THSD7B: variants seen among roughly 807,000 people sequenced by gnomAD.
THSD7B encodes thrombospondin type-1 domain-containing protein 7B.
THSD7B carries 138 observed loss-of-function variants against 213.6 expected under a neutral mutation model. That is an observed-to-expected ratio of 0.65 (90% confidence interval 0.56 to 0.74). The LOEUF is 0.74. Ranked by LOEUF, THSD7B falls within the 30% of genes least tolerant of loss-of-function variation. The probability of loss-of-function intolerance (pLI) is 0.00; values close to 1 mark genes in which losing one functional copy is unlikely to be tolerated. For missense variants in THSD7B, 1,931 were observed against 1,991.5 expected (o/e 0.97, Z 0.58); for synonymous variants, 742 against 687.0 (o/e 1.08, Z -1.25).
chr2:137,140,983 G>A (rs999125877), intron 5 of THSD7B, among the ~76,000 whole-genome samples: 5 of 152,180 alleles, frequency 3.3e-5, no homozygotes, highest in Non-Finnish European at 7.4e-5. Flanking sequence ...AAGTAAGGAA[G>A]TGAGACTGTA....
At position 137,639,386 on chromosome 2, in the gene THSD7B, G is replaced by A. The variant is rs764968577; in HGVS notation, c.3800-3102G>A. On this transcript the variant is annotated intron_variant, in intron 20 of 27. Transcript: ENST00000409968. ...TGTATTTCAGAAGATGTATGGAAAC[G>A]CCTGCGTGCCCAGGCAAAAGTTTGC... 3.5e-4 allele frequency among the ~76,000 whole-genome samples: 54 copies of A among 152,184 alleles called. 1 individual carries two copies. The highest frequency in any genetic ancestry group is 1.3e-4 in the Non-Finnish European group (9 of 68,030).
intron 2 of THSD7B, among the ~76,000 whole-genome samples, chr2:137,049,825 A>G (rs1687036626): frequency 6.6e-6 from 1 of 152,218 alleles, no homozygotes; most frequent in Admixed American, 6.5e-5. Flanking sequence ...AACTTGTATA[A>G]CACAAACAAC....
chr2:137,145,262 A>G (rs533707622), intron 5 of THSD7B, among the ~76,000 whole-genome samples: 294 of 152,176 alleles, frequency 1.9e-3, no homozygotes, highest in Non-Finnish European at 3.5e-3. Flanking sequence ...GAATATTAAG[A>G]AGAGAGGCCA....
intron 1 of THSD7B, among the ~76,000 whole-genome samples, chr2:136,792,044 A>G (rs753344737): frequency 6.6e-6 from 1 of 151,940 alleles, no homozygotes; most frequent in Non-Finnish European, 1.5e-5. Flanking sequence ...CTTTGTTATT[A>G]TCTGTCTTTT....
chr2:136,914,105 A>G (rs901266752), intron 2 of THSD7B, among the ~76,000 whole-genome samples: 4 of 152,242 alleles, frequency 2.6e-5, no homozygotes, highest in African/African-American at 7.2e-5. Flanking sequence ...CACCTCTTGC[A>G]TCAGCGTAAC....
At chr2:137,620,800 A>G (rs72844537) in intron 20 of THSD7B, 74 bp downstream of exon 20, 24,075 of 1,299,068 alleles carry the variant, frequency 0.019, 302 homozygotes, top group Non-Finnish European at 0.024. Flanking sequence ...TAGCTTGATA[A>G]ATGGCATAAG....
chr2:137,663,390 T>A lies in THSD7B; in HGVS notation c.4466T>A (p.Val1489Asp). ...ATATTCTTTATGCTGTAGGGTGGAG[T>A]CTGTGGTTGTGAGAAGGGCTATACA... ...KPFSYCTQGGVCGCEKGYTEI... is the reference protein window; with the variant it reads ...KPFSYCTQGGDCGCEKGYTEI... The change falls in exon 26 of 28, where the codon GTC becomes GAC. Residue 1489 changes from valine (V) to aspartate (D), a missense_variant. Transcript: ENST00000409968. 1.9e-6 allele frequency: 3 copies of A among 1,576,516 alleles called. No individual in the cohort carries two copies. The highest frequency in any genetic ancestry group is 2.6e-6 in the Non-Finnish European group (3 of 1,160,590).
intron 5 of THSD7B, among the ~76,000 whole-genome samples, chr2:137,132,777 C>T (rs1688764395): frequency 2.6e-5 from 4 of 152,168 alleles, no homozygotes; most frequent in Non-Finnish European, 4.4e-5. Flanking sequence ...ATAAGTAATT[C>T]ATTGCTACAC....
At chr2:137,359,339 C>A (rs1685202323) in intron 12 of THSD7B, among the ~76,000 whole-genome samples, 1 of 152,160 alleles carries the variant, frequency 6.6e-6, no homozygotes, top group African/African-American at 2.4e-5. Context: ...CCTGGTGGGG[C>A]TTAGAGCCAA....
chr2:137,651,709 C>G (rs1244265310), intron 21 of THSD7B, among the ~76,000 whole-genome samples: 1 of 151,996 alleles, frequency 6.6e-6, no homozygotes, highest in African/African-American at 2.4e-5. Flanking sequence ...AAACTTCCCT[C>G]TTAATACTGC....
At chr2:136,989,894 T>C (rs1372018996) in intron 2 of THSD7B, among the ~76,000 whole-genome samples, 2 of 152,218 alleles carry the variant, frequency 1.3e-5, no homozygotes, top group Non-Finnish European at 2.9e-5. Context: ...ATAATGATAG[T>C]GGCTAGTACT....
intron 1 of THSD7B, among the ~76,000 whole-genome samples, chr2:136,871,391 C>A (rs778172): frequency 0.6 from 91,683 of 151,902 alleles, 28,138 homozygotes; most frequent in Middle Eastern, 0.73. Flanking sequence ...GAGCCACACC[C>A]ATCTAGAGGT....
intron 1 of THSD7B, among the ~76,000 whole-genome samples, chr2:136,833,980 T>C (rs990870277): frequency 6.6e-6 from 1 of 152,150 alleles, no homozygotes; most frequent in Admixed American, 6.5e-5. Context: ...AATTTTAGAG[T>C]TTAATAGTTT....
intron 17 of THSD7B, among the ~76,000 whole-genome samples, chr2:137,579,871 C>T (rs370866002): frequency 5.3e-5 from 8 of 152,094 alleles, no homozygotes; most frequent in African/African-American, 1.9e-4. Context: ...TGTCTTCACT[C>T]TCATTTTAAT....
intron 14 of THSD7B, among the ~76,000 whole-genome samples, chr2:137,444,401 A>T (rs1270589760): frequency 3.9e-5 from 6 of 152,038 alleles, no homozygotes; most frequent in Non-Finnish European, 8.8e-5. Context: ...CTAAGGTTAA[A>T]ATAATTTTGC....
chr2:137,067,579 C>A (rs1198651425), intron 3 of THSD7B, among the ~76,000 whole-genome samples: 1 of 151,872 alleles, frequency 6.6e-6, no homozygotes, highest in Non-Finnish European at 1.5e-5. Context: ...GTCTTTTGTC[C>A]CATGATTAGA....
At chr2:137,284,793 A>G (rs960145188) in intron 12 of THSD7B, among the ~76,000 whole-genome samples, 1 of 152,040 alleles carries the variant, frequency 6.6e-6, no homozygotes, top group Non-Finnish European at 1.5e-5. Context: ...GTTCTTTTAC[A>G]TTTGCTGAGG....
intron 14 of THSD7B, among the ~76,000 whole-genome samples, chr2:137,444,302 G>A (rs1328936170): frequency 1.3e-5 from 2 of 151,990 alleles, no homozygotes; most frequent in Admixed American, 1.3e-4. Context: ...GATGGATTGA[G>A]ATTTTAAGTA....
At chr2:136,769,135 T>C (rs1253449904) in intron 1 of THSD7B, among the ~76,000 whole-genome samples, 1 of 152,190 alleles carries the variant, frequency 6.6e-6, no homozygotes, top group East Asian at 1.9e-4. Context: ...TGTTCATGGG[T>C]GGTTATTCTT....
Sources: allele counts gnomAD v4.1 joint callset (sites outside exome capture counted in the v4.1 genomes callset), GRCh38; gene constraint gnomAD v4.1.1; transcripts MANE v1.5; gene names NCBI Gene and HGNC (gene_info 2026-07-23, HGNC 2026-07-21).